Variants in MYBPC1 observed in about 807,000 individuals in gnomAD.
MYBPC1 encodes the protein myosin-binding protein C, slow-type.
Under a neutral mutation model 147.1 loss-of-function variants are expected in MYBPC1, and 52 were observed. The observed-to-expected ratio is 0.35, with a 90% CI of 0.28 to 0.45. The LOEUF (loss-of-function observed/expected upper bound fraction) is 0.45, where lower values mean the gene tolerates loss of function less well. Among genes scored for constraint, MYBPC1 ranks in the 20% least tolerant of loss-of-function variants. The pLI is 1.00. For missense variants in MYBPC1, 1,228 were observed against 1,440.3 expected (o/e 0.85, Z 2.39); for synonymous variants, 477 against 475.9 (o/e 1.00, Z -0.03).
intron 1 of MYBPC1, 114 bp from the exon 2 acceptor site, chr12:101,614,382 T>A: frequency 2.8e-6 from 3 of 1,082,914 alleles, no homozygotes; most frequent in Non-Finnish European, 4.2e-6. Flanking sequence ...ATCCCTCTTG[T>A]GAGTACACAC....
intron 3 of MYBPC1, among the ~76,000 whole-genome samples, chr12:101,622,938 T>C (rs1887763164): frequency 6.6e-6 from 1 of 152,204 alleles, no homozygotes; most frequent in African/African-American, 2.4e-5. Context: ...AGCGCTGCAT[T>C]CATATGTATT....
At chr12:101,682,092 T>A (rs77019567) in intron 29 of MYBPC1, among the ~76,000 whole-genome samples, 7,841 of 152,244 alleles carry the variant, frequency 0.052, 236 homozygotes, top group South Asian at 0.14. Flanking sequence ...CTTTATTGGC[T>A]TTAAATGATT....
intron 15 of MYBPC1, chr12:101,650,774 A>C (rs1894275793): frequency 4.5e-6 from 1 of 224,096 alleles, no homozygotes; most frequent in South Asian, 7.0e-5. Flanking sequence ...AAATATAATA[A>C]ATATGGCACT....
At chr12:101,663,636 C>G (rs1459916243) in intron 22 of MYBPC1, 76 bp downstream of exon 22, 1 of 1,509,876 alleles carries the variant, frequency 6.6e-7, no homozygotes, top group Non-Finnish European at 9.1e-7. Context: ...TTTTGTCTCT[C>G]TTTCTTGAGA....
At chr12:101,634,368 T>C (rs1890577357) in intron 8 of MYBPC1, among the ~76,000 whole-genome samples, 186 bp from the exon 9 acceptor site, 1 of 152,166 alleles carries the variant, frequency 6.6e-6, no homozygotes, top group Non-Finnish European at 1.5e-5. Flanking sequence ...CAAGGTCCCT[T>C]CATTGGTTCT....
chr12:101,646,955 A>C, intron 13 of MYBPC1, 68 bp downstream of exon 13: 1 of 1,584,838 alleles, frequency 6.3e-7, no homozygotes, highest in Non-Finnish European at 8.7e-7. Context: ...ATAATGATCA[A>C]AGTGAAAGTA....
Position 101,664,937 on chromosome 12 carries a change from G to A in MYBPC1, c.2356+1377G>A, listed in dbSNP as rs542236547. On this transcript the variant is annotated intron_variant, in intron 22 of 31. Transcript: ENST00000361466. ...AAAAAAGTCATGAGCACTCCATTCT[G>A]TTTTTTTGTATTGTCCAGCCAGCAG... Among the ~76,000 whole-genome samples, 8 of 152,258 alleles carry A rather than the reference G, an allele frequency of 5.3e-5. No homozygotes were observed. The South Asian group carries it at 1.7e-3, about 32-fold the overall frequency.
In MYBPC1 at chr12:101,685,648, G is replaced by C. The variant is rs1031385149; in HGVS notation, c.*86G>C. The C allele has an allele frequency of 3.9e-6, 6 of 1,533,242 alleles. No individual in the cohort carries two copies. The highest frequency in any genetic ancestry group is 5.2e-6 in the Non-Finnish European group (6 of 1,144,590). The allele number at this position is 1,533,242 out of a possible 1,614,324, so 95.0% of individuals were successfully genotyped here. On this transcript the variant is annotated 3_prime_UTR_variant, in exon 32 of 32. Coordinates refer to ENST00000361466, the MANE Select transcript of MYBPC1 (RefSeq NM_002465.4). Reference sequence around the variant, plus strand: ...CCAAACATAATTGATTCGTATCTGCGAGACTTACACTCAAGCAATCCTGAG... The same window carrying C: ...CCAAACATAATTGATTCGTATCTGCCAGACTTACACTCAAGCAATCCTGAG...
In MYBPC1 at chr12:101,685,808, A is replaced by ATAT; in HGVS notation, c.*246_*247insTAT. 1.8e-6 allele frequency: 1 copy of ATAT among 551,430 alleles called. No homozygotes were observed. The highest frequency in any genetic ancestry group is 3.8e-5 in the East Asian group (1 of 26,412). The allele number at this position is 551,430 out of a possible 1,614,324, so 34.2% of individuals were successfully genotyped here. On this transcript the variant is annotated 3_prime_UTR_variant, in exon 32 of 32. Transcript: ENST00000361466. The stretch of plus-strand genomic sequence containing the variant: ...TCTTTTTCTTTCCTCCTAATGTTGA[A>ATAT]GAGAAAAAAAAAAAAAAAAGTTTGC...
intron 1 of MYBPC1, among the ~76,000 whole-genome samples, chr12:101,604,950 G>A (rs988309599): frequency 2.0e-5 from 3 of 152,158 alleles, no homozygotes; most frequent in African/African-American, 4.8e-5. Flanking sequence ...CAAAATGCAG[G>A]TTCAGCCCCT....
Position 101,636,700 on chromosome 12 carries a change from C to T in MYBPC1, c.637C>T (p.Leu213Phe). 3 of 1,613,704 alleles carry T rather than the reference C, an allele frequency of 1.9e-6. No individual in the cohort carries two copies. Among genetic ancestry groups the T allele is most frequent in the Non-Finnish European group, 2.5e-6 (3 of 1,179,666 alleles). Reference sequence around the variant, plus strand: ...AGAAGGTCAAGAGGATGCAGGAGAACTTGACTTTAGTGGTCTCCTGAAACG... The same window carrying T: ...AGAAGGTCAAGAGGATGCAGGAGAATTTGACTTTAGTGGTCTCCTGAAACG... ...SGEGQEDAGE[L>F]DFSGLLKRRE... The change falls in exon 10 of 32, where the codon CTT becomes TTT. Residue 213 changes from leucine to phenylalanine, a missense_variant. Leu to Phe is a conservative substitution (Grantham distance 22). Coordinates refer to ENST00000361466, the MANE Select transcript of MYBPC1 (RefSeq NM_002465.4).
chr12:101,669,715 T>A, intron 23 of MYBPC1, among the ~76,000 whole-genome samples: 1 of 152,102 alleles, frequency 6.6e-6, no homozygotes, highest in Middle Eastern at 3.2e-3. Context: ...GGCAGGTGGA[T>A]CACCTGAGGT....
At position 101,645,391 on chromosome 12, in the gene MYBPC1, G is replaced by A. The variant is rs150930129; in HGVS notation, c.965+595G>A. On this transcript the variant is annotated intron_variant, in intron 12 of 31. Transcript: ENST00000361466. ...ACAGACTAATCCCTGACGTCTGATG[G>A]TATCTCCAGTCTATTATAAAACTAC... Among the ~76,000 whole-genome samples the A allele has an allele frequency of 4.6e-5, 7 of 152,282 alleles. No individual in the cohort carries two copies. In the East Asian group the frequency reaches 1.3e-3, roughly 29 times the overall value.
At chr12:101,665,648 C>T (rs1324612594) in intron 22 of MYBPC1, among the ~76,000 whole-genome samples, 3 of 152,132 alleles carry the variant, frequency 2.0e-5, no homozygotes, top group Non-Finnish European at 4.4e-5. Context: ...GTCTGTGTTT[C>T]CCCAATTAAA....
At chr12:101,628,887 A>G in intron 5 of MYBPC1, 1 of 165,040 alleles carries the variant, frequency 6.1e-6, no homozygotes, top group Non-Finnish European at 1.3e-5. Context: ...CTTCCTTGTC[A>G]AACTATGGCC....
At chr12:101,616,993 T>C (rs1886253805) in intron 2 of MYBPC1, among the ~76,000 whole-genome samples, 11 of 152,202 alleles carry the variant, frequency 7.2e-5, no homozygotes, top group Admixed American at 7.2e-4. Context: ...CCAAAAATGA[T>C]CAGATTAATT....
At chr12:101,669,625 T>C (rs192161314) in intron 23 of MYBPC1, among the ~76,000 whole-genome samples, 75 of 152,250 alleles carry the variant, frequency 4.9e-4, no homozygotes, top group African/African-American at 1.7e-3. Flanking sequence ...CCCTTGCAAA[T>C]ATACTCACTG....
At chr12:101,678,009 G>A in intron 27 of MYBPC1, 93 bp from the exon 28 acceptor site, 1 of 1,449,738 alleles carries the variant, frequency 6.9e-7, no homozygotes, top group Non-Finnish European at 9.7e-7. Context: ...CTAAGTTCAG[G>A]GAAGTTTTAA....
At chr12:101,693,694 C>T in the MYBPC1 span, among the ~76,000 whole-genome samples, 2 of 152,076 alleles carry the variant, frequency 1.3e-5, no homozygotes, top group African/African-American at 2.4e-5. Context: ...GTTCAGATTG[C>T]GCCACTGCAC....
Sources: gnomAD v4.1 joint callset for allele counts (sites outside exome capture counted in the v4.1 genomes callset) on GRCh38, gnomAD v4.1.1 for gene constraint, MANE v1.5 for transcripts, NCBI Gene and HGNC (gene_info 2026-07-23, HGNC 2026-07-21) for gene names.